The following ZNF385D variants were observed in gnomAD, a reference collection of about 807,000 sequenced individuals.
The protein encoded by ZNF385D is zinc finger protein 659.
ZNF385D carries 15 observed loss-of-function variants against 35.8 expected under a neutral mutation model. That is an observed-to-expected ratio of 0.42 (90% CI 0.28 to 0.64). The LOEUF (loss-of-function observed/expected upper bound fraction) is 0.64. ZNF385D is among the 30% of genes least tolerant of loss of function. ZNF385D has a pLI of 0.23. For missense variants in ZNF385D, 474 were observed against 494.6 expected, an observed-to-expected ratio of 0.96 and a Z score of 0.39; for synonymous variants, 212 against 186.8, an observed-to-expected ratio of 1.13 and a Z score of -1.10.
At chr3:21,785,480 C>T (rs1271016556) in intron 3 of ZNF385D, among the ~76,000 whole-genome samples, 1 of 152,120 alleles carries the variant, frequency 6.6e-6, no homozygotes, top group African/African-American at 2.4e-5. Context: ...TTAATAACTA[C>T]AGGTACAGTG....
At chr3:22,047,196 G>T (rs1304672632) in intron 3 of ZNF385D, among the ~76,000 whole-genome samples, 1 of 152,044 alleles carries the variant, frequency 6.6e-6, no homozygotes, top group South Asian at 2.1e-4. Flanking sequence ...GCTAAATCAA[G>T]CTAATTTATG....
intron 3 of ZNF385D, among the ~76,000 whole-genome samples, chr3:21,768,654 T>A (rs1462216162): frequency 6.6e-6 from 1 of 151,994 alleles, no homozygotes. Context: ...AAAGACTTTG[T>A]CTTCCAAATA....
intron 3 of ZNF385D, among the ~76,000 whole-genome samples, chr3:21,821,062 T>A (rs960457069): frequency 6.6e-6 from 1 of 152,044 alleles, no homozygotes; most frequent in African/African-American, 2.4e-5. Context: ...GGTAAAAATA[T>A]TTTTTCAGGG....
At chr3:21,834,945 T>A (rs1559673117) in intron 3 of ZNF385D, among the ~76,000 whole-genome samples, 1 of 152,064 alleles carries the variant, frequency 6.6e-6, no homozygotes, top group Non-Finnish European at 1.5e-5. Flanking sequence ...GAATGGTGAG[T>A]CAATTGAATC....
At chr3:22,217,310 C>T (rs117417169) in intron 2 of ZNF385D, among the ~76,000 whole-genome samples, 1 of 152,136 alleles carries the variant, frequency 6.6e-6, no homozygotes, top group Non-Finnish European at 1.5e-5. Flanking sequence ...ATGGGTGCCC[C>T]ATCATGCGAC....
rs528037798 is a variant in ZNF385D, at chr3:21,601,438, A to G, written c.166-36754T>C. On this transcript the variant is annotated intron_variant, in intron 2 of 7. Coordinates refer to ENST00000281523, the MANE Select transcript of ZNF385D (RefSeq NM_024697.3). ...TTACAGGGAAACCTCAGGAGTAAAA[A>G]GTAACACAAGATTGTAGGCTGCTGT... Among the ~76,000 whole-genome samples, 4 of 152,312 alleles carry G rather than the reference A, an allele frequency of 2.6e-5. No individual in the cohort carries two copies. The East Asian group carries it at 7.7e-4, about 29-fold the overall frequency.
At chr3:22,278,444 T>C (rs1209831596) in intron 2 of ZNF385D, among the ~76,000 whole-genome samples, 1 of 152,168 alleles carries the variant, frequency 6.6e-6, no homozygotes, top group African/African-American at 2.4e-5. Flanking sequence ...TGTTTGCCAC[T>C]AATTGTATTC....
At chr3:21,724,291 G>T (rs1235949310) in intron 1 of ZNF385D, among the ~76,000 whole-genome samples, 1 of 151,372 alleles carries the variant, frequency 6.6e-6, no homozygotes, top group Non-Finnish European at 1.5e-5. Flanking sequence ...GCTCAAATTC[G>T]CACATAACAA....
chr3:21,498,836 G>A (rs1484136860), intron 4 of ZNF385D, among the ~76,000 whole-genome samples: 1 of 150,534 alleles, frequency 6.6e-6, no homozygotes, highest in Admixed American at 6.7e-5. Flanking sequence ...CCAGCTACTT[G>A]GGAGGCTGAG....
At chr3:22,039,336 A>T (rs749145726) in intron 3 of ZNF385D, among the ~76,000 whole-genome samples, 8 of 151,484 alleles carry the variant, frequency 5.3e-5, no homozygotes, top group Non-Finnish European at 1.2e-4. Flanking sequence ...AGAAAATGTC[A>T]ACTTCCTAAA....
At chr3:22,120,340 T>A (rs1703026794) in intron 3 of ZNF385D, among the ~76,000 whole-genome samples, 1 of 152,048 alleles carries the variant, frequency 6.6e-6, no homozygotes, top group Non-Finnish European at 1.5e-5. Flanking sequence ...TCCCACTGGG[T>A]CCTCACAGGA....
chr3:22,149,888 T>C (rs949247187), intron 3 of ZNF385D, among the ~76,000 whole-genome samples: 1 of 152,186 alleles, frequency 6.6e-6, no homozygotes, highest in Admixed American at 6.5e-5. Context: ...GTGATAAGTA[T>C]TTTTTGTATG....
chr3:21,691,771 T>C (rs969730402), intron 1 of ZNF385D, among the ~76,000 whole-genome samples: 5 of 152,200 alleles, frequency 3.3e-5, no homozygotes, highest in Non-Finnish European at 7.3e-5. Context: ...ATTTAAAAAA[T>C]GGTAGTGGTA....
intron 1 of ZNF385D, among the ~76,000 whole-genome samples, chr3:21,689,373 T>C (rs1354387678): frequency 6.6e-6 from 1 of 152,064 alleles, no homozygotes. Context: ...TTACAATACC[T>C]AGATGAACTG....
intron 3 of ZNF385D, among the ~76,000 whole-genome samples, chr3:21,862,576 T>C (rs1348009251): frequency 6.6e-6 from 1 of 152,140 alleles, no homozygotes; most frequent in Non-Finnish European, 1.5e-5. Context: ...AGGCTTCTTT[T>C]CATATTGCCA....
intron 3 of ZNF385D, among the ~76,000 whole-genome samples, chr3:22,045,795 G>C (rs1698967839): frequency 6.6e-6 from 1 of 151,800 alleles, no homozygotes; most frequent in African/African-American, 2.4e-5. Context: ...CTAAGATCAT[G>C]ACCTGGCGAT....
At chr3:21,939,280 T>C (rs183915118) in intron 3 of ZNF385D, among the ~76,000 whole-genome samples, 6 of 152,306 alleles carry the variant, frequency 3.9e-5, no homozygotes, top group Admixed American at 6.5e-5. Context: ...ATGAACATAA[T>C]TGCATTTAGT....
intron 3 of ZNF385D, among the ~76,000 whole-genome samples, chr3:21,560,880 A>G (rs542452437): frequency 1.4e-4 from 22 of 152,220 alleles, no homozygotes; most frequent in African/African-American, 4.6e-4. Flanking sequence ...GTCTGGCCAC[A>G]GGGGCCTTGC....
intron 3 of ZNF385D, among the ~76,000 whole-genome samples, chr3:22,147,421 C>T (rs1189348960): frequency 7.2e-5 from 11 of 152,136 alleles, no homozygotes; most frequent in East Asian, 5.8e-4. Flanking sequence ...GAATGCTATC[C>T]TGAGGCTTTT....
Sources: gnomAD v4.1 joint callset for allele counts (sites outside exome capture counted in the v4.1 genomes callset) on GRCh38, gnomAD v4.1.1 for gene constraint, MANE v1.5 for transcripts, NCBI Gene and HGNC (gene_info 2026-07-23, HGNC 2026-07-21) for gene names.